The following RGMA variants were observed in gnomAD, a reference collection of about 807,000 sequenced individuals.
RGMA encodes repulsive guidance molecule BMP co-receptor a, also known as repulsive guidance molecule A.
Under a neutral mutation model 23.2 loss-of-function variants are expected in RGMA, and 10 were observed. The ratio of observed to expected loss-of-function variants is 0.43; its 90% confidence interval spans 0.27 to 0.73. RGMA has a LOEUF of 0.73. Ranked by LOEUF, RGMA falls within the 30% of genes least tolerant of loss-of-function variation. RGMA has a pLI of 0.20. For synonymous variants in RGMA, 308 were observed against 279.3 expected (o/e 1.10, Z -1.03); for missense variants, 547 against 630.5 (o/e 0.87, Z 1.42).
chr15:93,069,029 C>G (rs1381441108), intron 2 of RGMA, among the ~76,000 whole-genome samples: 4 of 152,188 alleles, frequency 2.6e-5, no homozygotes, highest in Non-Finnish European at 1.5e-5. Context: ...CCCAAACAAA[C>G]TAAGACACTC....
At position 93,039,422 on chromosome 15, in the gene RGMA, T is replaced by C. The variant is rs1253101850; in HGVS notation, c.*5576A>G. On this transcript the variant is annotated 3_prime_UTR_variant, in exon 4 of 4. Transcript: ENST00000329082. ...AAAATTATGATTATACTTTCAGTTA[T>C]GGGGTACACGTGCAGAACGCACAAG... is the stretch of plus-strand genomic sequence containing the variant. The C allele has an allele frequency of 6.6e-6, 1 of 152,226 alleles. No individual in the cohort carries two copies. Among genetic ancestry groups the C allele is most frequent in the Non-Finnish European group, 1.5e-5 (1 of 68,046 alleles). The allele number at this position is 152,226 out of a possible 1,614,324, so 9.4% of individuals were successfully genotyped here. A position where few individuals can be genotyped will look rare whatever the true frequency, so the allele number is the denominator to read the frequency against.
At chr15:93,063,596 G>A (rs1446316945) in intron 2 of RGMA, among the ~76,000 whole-genome samples, 1 of 152,242 alleles carries the variant, frequency 6.6e-6, no homozygotes, top group African/African-American at 2.4e-5. Flanking sequence ...ACACCCAGGT[G>A]AGCGCGGGAT....
chr15:93,082,460 G>C (rs1390420699), intron 1 of RGMA, among the ~76,000 whole-genome samples: 2 of 152,160 alleles, frequency 1.3e-5, no homozygotes, highest in East Asian at 3.8e-4. Context: ...CTTGTCTAAG[G>C]ACCATAAATA....
At position 93,044,505 on chromosome 15, in the gene RGMA, T is replaced by C. The variant is rs1265820084; in HGVS notation, c.*493A>G. ...CCTGCCTGGGGCCAAGCCCCAAGGA[T>C]GCCTCCCTGTGTGGCTGGGGTGTCC... On this transcript the variant is annotated 3_prime_UTR_variant, in exon 4 of 4. Transcript: ENST00000329082. 6.2e-6 allele frequency: 1 copy of C among 160,146 alleles called. No individual in the cohort carries two copies. 9.9% of individuals were successfully genotyped at this position (160,146 alleles called of 1,614,324 possible). A position where few individuals can be genotyped will look rare whatever the true frequency, so the allele number is the denominator to read the frequency against.
At chr15:93,067,111 C>G (rs970870279) in intron 2 of RGMA, among the ~76,000 whole-genome samples, 9 of 152,196 alleles carry the variant, frequency 5.9e-5, no homozygotes, top group South Asian at 2.1e-4. Flanking sequence ...GGTATTATAT[C>G]TTGAAAGATG....
chr15:93,074,714 A>C (rs562550783), intron 1 of RGMA, among the ~76,000 whole-genome samples: 26 of 152,300 alleles, frequency 1.7e-4, no homozygotes, highest in African/African-American at 4.8e-5. Flanking sequence ...TCTTCCTTTC[A>C]AGCTTGGCCA....
rs1211189254 is a variant in RGMA, at chr15:93,038,561, TGTTA to T, written c.*6433_*6436del. 1.4e-5 allele frequency: 2 copies of T among 141,036 alleles called. No individual in the cohort carries two copies. Among genetic ancestry groups the T allele is most frequent in the Non-Finnish European group, 3.1e-5 (2 of 65,524 alleles). The allele number at this position is 141,036 out of a possible 1,614,324, so 8.7% of individuals were successfully genotyped here. ...TGGACATTGCCTTAATGAACGAAACTGTTAGTTGTTTTTTTTTTTTTTTTGAGAC... is the reference window on the plus strand; with the variant it reads ...TGGACATTGCCTTAATGAACGAAACTGTTGTTTTTTTTTTTTTTTTGAGAC... On this transcript the variant is annotated 3_prime_UTR_variant, in exon 4 of 4. Transcript: ENST00000329082.
Position 93,045,096 on chromosome 15 carries a change from C to T in RGMA, c.1255G>A (p.Asp419Asn). 6.3e-7 allele frequency: 1 copy of T among 1,581,684 alleles called. No individual in the cohort carries two copies. Among genetic ancestry groups the T allele is most frequent in the Non-Finnish European group, 8.6e-7 (1 of 1,164,136 alleles). Residue 419 changes from aspartate (D) to asparagine (N), a missense_variant, in exon 4 of 4, where the codon GAC becomes AAC. This residue lies in a region of RGMA where 205 missense variants were observed against 204.1 expected (regional missense o/e 1.00). Coordinates refer to ENST00000329082, the MANE Select transcript of RGMA (RefSeq NM_020211.3). The surrounding 1 kb of genome is among the most constrained non-coding windows in gnomAD (Gnocchi z 6.9). ...DKLHLYERTR[D>N]LPGRAAAGLP... ...CCCGCAGCCGCCCTGCCTGGCAGGT[C>T]CCGAGTCCTCTCATACAGGTGCAGT...
At chr15:93,084,352 G>A (rs1469978291) in intron 1 of RGMA, among the ~76,000 whole-genome samples, 1 of 152,210 alleles carries the variant, frequency 6.6e-6, no homozygotes, top group African/African-American at 2.4e-5. Context: ...ATTCCGGCAA[G>A]GCATTCATCA....
intron 1 of RGMA, among the ~76,000 whole-genome samples, chr15:93,075,197 A>C (rs1895452832): frequency 6.6e-6 from 1 of 152,184 alleles, no homozygotes; most frequent in South Asian, 2.1e-4. Flanking sequence ...CCACGTCAGG[A>C]AATGTCATCC....
At chr15:93,074,562 G>C (rs563140909) in intron 1 of RGMA, among the ~76,000 whole-genome samples, 2 of 152,326 alleles carry the variant, frequency 1.3e-5, no homozygotes, top group African/African-American at 4.8e-5. Context: ...TTCTTTACGA[G>C]GGGGTGTCAC....
chr15:93,044,644 A>C lies in RGMA; in HGVS notation c.*354T>G. The stretch of plus-strand genomic sequence containing the variant: ...AGCAGTCGGCCGGGCCTTTCAGTGC[A>C]TTGCGAGGGGGAAGGAGCTGACTCT... On this transcript the variant is annotated 3_prime_UTR_variant, in exon 4 of 4. Transcript: ENST00000329082. The C allele has an allele frequency of 6.4e-6, 2 of 311,476 alleles. No homozygotes were observed. The highest frequency in any genetic ancestry group is 1.2e-5 in the Non-Finnish European group (2 of 169,948). The allele number at this position is 311,476 out of a possible 1,614,324, so 19.3% of individuals were successfully genotyped here. A position where few individuals can be genotyped will look rare whatever the true frequency, so the allele number is the denominator to read the frequency against.
Position 93,042,513 on chromosome 15 carries a change from C to T in RGMA, c.*2485G>A, listed in dbSNP as rs978734410. ...GCTCAGAGAGGTGAAGTGACTTGCC[C>T]ATGGTCACACTGCTGGGGAGGTGGA... On this transcript the variant is annotated 3_prime_UTR_variant, in exon 4 of 4. Transcript: ENST00000329082. 1 of 153,114 alleles carries T rather than the reference C, an allele frequency of 6.5e-6. No individual in the cohort carries two copies. The highest frequency in any genetic ancestry group is 2.1e-4 in the South Asian group (1 of 4,852). 9.5% of individuals were successfully genotyped at this position (153,114 alleles called of 1,614,324 possible).
At chr15:93,073,069 C>A (rs894071542) in intron 1 of RGMA, 38 bp from the exon 2 acceptor site, 3 of 1,516,282 alleles carry the variant, frequency 2.0e-6, no homozygotes, top group Non-Finnish European at 2.7e-6. Flanking sequence ...GAAAATAAAT[C>A]ACGCTGCGAA....
chr15:93,072,588 CCCCCTCTT>C (rs1181869381), intron 2 of RGMA, among the ~76,000 whole-genome samples: 1 of 152,180 alleles, frequency 6.6e-6, no homozygotes, highest in Non-Finnish European at 1.5e-5. Context: ...CTCCCCTTCT[CCCCCTCTT>C]CCCGAGCCCC....
At position 93,045,597 on chromosome 15, in the gene RGMA, C is replaced by T. The variant is rs746589154; in HGVS notation, c.754G>A (p.Asp252Asn). The T allele has an allele frequency of 5.0e-6, 8 of 1,613,168 alleles. No homozygotes were observed. The highest frequency in any genetic ancestry group is 6.8e-6 in the Non-Finnish European group (8 of 1,179,896). The change falls in exon 4 of 4, where the codon GAC (aspartate) becomes AAC (asparagine). Residue 252 changes from aspartate (D) to asparagine (N), a missense_variant. By Grantham distance (23) the Asp-to-Asn change is conservative. Around this residue, in one of 3 missense-constraint regions of RGMA, gnomAD observed 128 missense variants for 191.7 expected, o/e 0.67. Transcript: ENST00000329082. The surrounding 1 kb of genome is among the most constrained non-coding windows in gnomAD (Gnocchi z 6.9). ...AFVDGSKNGG[D>N]KHGANSLKIT... ...TTCAGGCTGTTGGCCCCGTGCTTGT[C>T]CCCACCGTTCTTAGAGCCATCCACG... is the stretch of plus-strand genomic sequence containing the variant.
intron 2 of RGMA, chr15:93,065,965 C>T (rs1394944160): frequency 3.5e-5 from 34 of 965,126 alleles, no homozygotes; most frequent in East Asian, 2.7e-4. Flanking sequence ...TGGGGGGCGC[C>T]GTCGTCTGGG....
At chr15:93,082,637 T>C (rs1201036936) in intron 1 of RGMA, among the ~76,000 whole-genome samples, 2 of 152,196 alleles carry the variant, frequency 1.3e-5, no homozygotes, top group African/African-American at 4.8e-5. Flanking sequence ...GAAAGGGGAA[T>C]ATGTTTAGAG....
intron 2 of RGMA, among the ~76,000 whole-genome samples, chr15:93,065,398 A>T (rs1412310890): frequency 6.8e-6 from 1 of 146,272 alleles, no homozygotes; most frequent in Non-Finnish European, 1.5e-5. Context: ...TGATAAGGGA[A>T]GAAAAAAAAA....
Sources: allele counts gnomAD v4.1 joint callset (sites outside exome capture counted in the v4.1 genomes callset), GRCh38; gene constraint gnomAD v4.1.1; regional missense constraint gnomAD v4.1.1; non-coding constraint Gnocchi (gnomAD v3.1); transcripts MANE v1.5; gene names NCBI Gene and HGNC (gene_info 2026-07-23, HGNC 2026-07-21).